Variants in CR1 observed in about 807,000 individuals in gnomAD.
CR1 encodes complement receptor type 1.
CR1 carries 116 observed loss-of-function variants against 187.3 expected under a neutral mutation model. The ratio of observed to expected loss-of-function variants is 0.62; its 90% CI spans 0.53 to 0.72. CR1 has a LOEUF of 0.72. Among genes scored for constraint, CR1 ranks in the 30% least tolerant of loss-of-function variants. The pLI is 0.00. For synonymous variants in CR1, 576 were observed against 747.1 expected, an observed-to-expected ratio of 0.77 and a Z score of 3.73; for missense variants, 1,731 against 2,110.7, an observed-to-expected ratio of 0.82 and a Z score of 3.52.
intron 33 of CR1, among the ~76,000 whole-genome samples, chr1:207,586,569 T>C (rs1661117628): frequency 6.6e-6 from 1 of 152,268 alleles, no homozygotes; most frequent in South Asian, 2.1e-4. Flanking sequence ...TTCACAGTTT[T>C]GTAGGCTGAA....
chr1:207,522,404 C>G (rs1660026080), intron 4 of CR1, among the ~76,000 whole-genome samples: 1 of 152,232 alleles, frequency 6.6e-6, no homozygotes, highest in African/African-American at 2.4e-5. Context: ...TATTACCAGG[C>G]CTTCCATTTG....
chr1:207,522,355 C>T (rs188730030), intron 4 of CR1, among the ~76,000 whole-genome samples: 1 of 152,194 alleles, frequency 6.6e-6, no homozygotes, highest in African/African-American at 2.4e-5. Context: ...CCCTGATTAC[C>T]AGGGCCTAGT....
At chr1:207,597,988 G>A (rs1468426677) in intron 35 of CR1, among the ~76,000 whole-genome samples, 1 of 152,198 alleles carries the variant, frequency 6.6e-6, no homozygotes, top group Admixed American at 6.5e-5. Flanking sequence ...AGTGAAATGA[G>A]CCAGACACAA....
intron 1 of CR1, 50 bp downstream of exon 1, chr1:207,496,438 G>A (rs776088016): frequency 1.3e-6 from 2 of 1,546,976 alleles, no homozygotes; most frequent in Admixed American, 2.0e-5. Flanking sequence ...GAGGAACCCG[G>A]GGCCCCGCAG....
chr1:207,522,918 T>C (rs1045346308), intron 4 of CR1, among the ~76,000 whole-genome samples: 1 of 152,224 alleles, frequency 6.6e-6, no homozygotes, highest in Non-Finnish European at 1.5e-5. Context: ...TAGGGGTTTT[T>C]GTGGACTAAT....
chr1:207,617,592 TATATATATATATATATATATAGAG>T (rs1558271658), intron 41 of CR1, among the ~76,000 whole-genome samples: 445 of 36,248 alleles, frequency 0.012, 3 homozygotes, highest in Admixed American at 0.019. Context: ...TATATATATA[TATATATATATATATATATATAGAG>T]AGAGAGAGAG....
intron 37 of CR1, 146 bp downstream of exon 37, chr1:207,609,834 T>C: frequency 4.5e-6 from 4 of 880,434 alleles, no homozygotes; most frequent in Non-Finnish European, 3.2e-6. Context: ...CTGTTAATAA[T>C]TGTCTCAAAG....
chr1:207,636,653 A>G (rs1662824052), intron 46 of CR1, among the ~76,000 whole-genome samples: 3 of 152,228 alleles, frequency 2.0e-5, no homozygotes, highest in Admixed American at 2.0e-4. Context: ...GAAGAGTGCA[A>G]TGCAACTCCT....
intron 31 of CR1, among the ~76,000 whole-genome samples, chr1:207,581,400 G>GTA (rs1337213685): frequency 2.7e-5 from 4 of 148,556 alleles, no homozygotes; most frequent in Admixed American, 6.7e-5. Flanking sequence ...ATATACATAT[G>GTA]TATATACATA....
intron 4 of CR1, among the ~76,000 whole-genome samples, chr1:207,520,458 C>T (rs945509438): frequency 3.9e-5 from 6 of 152,214 alleles, no homozygotes; most frequent in Non-Finnish European, 5.9e-5. Context: ...CTTGTAGATG[C>T]AAGATGCTGG....
intron 27 of CR1, among the ~76,000 whole-genome samples, chr1:207,574,719 T>A (rs1336290446): frequency 1.3e-5 from 2 of 152,240 alleles, no homozygotes; most frequent in Non-Finnish European, 2.9e-5. Flanking sequence ...GTAGACTGAC[T>A]ATATAGAGTT....
At chr1:207,496,483 G>C in intron 1 of CR1, 95 bp downstream of exon 1, 1 of 1,297,446 alleles carries the variant, frequency 7.7e-7, no homozygotes, top group Non-Finnish European at 1.0e-6. Context: ...GCGCTGCTCT[G>C]CGCGCCCGGG....
chr1:207,590,144 A>G (rs1317754796), intron 35 of CR1, among the ~76,000 whole-genome samples: 1 of 152,192 alleles, frequency 6.6e-6, no homozygotes, highest in African/African-American at 2.4e-5. Context: ...AGCAACCCCA[A>G]GACACGTAAT....
At chr1:207,617,315 T>C (rs1237308874) in intron 41 of CR1, among the ~76,000 whole-genome samples, 1 of 151,012 alleles carries the variant, frequency 6.6e-6, no homozygotes, top group African/African-American at 2.4e-5. Flanking sequence ...CCACTGACTA[T>C]GTTTGTTTGA....
At chr1:207,513,302 G>C (rs1415381543) in intron 4 of CR1, among the ~76,000 whole-genome samples, 2 of 152,198 alleles carry the variant, frequency 1.3e-5, no homozygotes, top group Non-Finnish European at 2.9e-5. Flanking sequence ...CTGGGACTCT[G>C]CCACCCTGAG....
chr1:207,568,157 A>G, intron 25 of CR1, 115 bp downstream of exon 25: 2 of 1,568,170 alleles, frequency 1.3e-6, no homozygotes, highest in Non-Finnish European at 1.7e-6. Flanking sequence ...GCCACAATGG[A>G]ATGCCAAACC....
rs760922204 is a variant in CR1, at chr1:207,587,569, A to C, written c.5710+4A>C. The C allele has an allele frequency of 6.2e-7, 1 of 1,611,772 alleles. No individual in the cohort carries two copies. Among genetic ancestry groups the C allele is most frequent in the Non-Finnish European group, 8.5e-7 (1 of 1,178,646 alleles). ...AGTGTTGAAGACAACTGTAGACGTGAGTAACCCCTCCCTGGGAACTACTTC... is the reference window on the plus strand; with the variant it reads ...AGTGTTGAAGACAACTGTAGACGTGCGTAACCCCTCCCTGGGAACTACTTC... On this transcript the variant is annotated splice_donor_region_variant and intron_variant, in intron 34 of 46. Transcript: ENST00000367049.
At chr1:207,513,144 T>C (rs1232346232) in intron 4 of CR1, among the ~76,000 whole-genome samples, 6 of 152,248 alleles carry the variant, frequency 3.9e-5, no homozygotes. Flanking sequence ...AACACTTTAG[T>C]CGGCTATCCG....
chr1:207,564,274 G>C (rs1274353258), intron 23 of CR1, 40 bp downstream of exon 23: 1 of 1,592,458 alleles, frequency 6.3e-7, no homozygotes. Flanking sequence ...CATTGAAATT[G>C]GGGTTGGGAA....
Sources: allele counts gnomAD v4.1 joint callset (sites outside exome capture counted in the v4.1 genomes callset), GRCh38; gene constraint gnomAD v4.1.1; transcripts MANE v1.5; gene names NCBI Gene and HGNC (gene_info 2026-07-23, HGNC 2026-07-21).